ADCY10: variants seen among roughly 807,000 people sequenced by gnomAD.
ADCY10 encodes the protein adenylate cyclase 10, also known as adenylate cyclase type 10.
Under a neutral mutation model 183.3 loss-of-function variants are expected in ADCY10, and 156 were observed. That is an observed-to-expected ratio of 0.85 (90% confidence interval 0.75 to 0.97). ADCY10 has a LOEUF of 0.97. ADCY10 is among the 50% of genes least tolerant of loss of function. ADCY10 has a pLI of 0.00. For synonymous variants in ADCY10, 645 were observed against 670.0 expected (o/e 0.96, Z 0.58); for missense variants, 1,745 against 1,934.3 (o/e 0.90, Z 1.84).
chr1:167,855,326 C>CA (rs35445434), intron 17 of ADCY10, among the ~76,000 whole-genome samples: 3 of 131,032 alleles, frequency 2.3e-5, no homozygotes, highest in Admixed American at 1.7e-4. Flanking sequence ...GTCTAAAAAA[C>CA]AAAAAACAAA....
intron 31 of ADCY10, among the ~76,000 whole-genome samples, chr1:167,814,774 C>T (rs1211318353): frequency 1.3e-5 from 2 of 152,128 alleles, no homozygotes; most frequent in East Asian, 1.9e-4. Context: ...TACCACTGAA[C>T]TGCATACTTA....
At chr1:167,811,315 G>A (rs6699512) in intron 31 of ADCY10, among the ~76,000 whole-genome samples, 5,990 of 152,290 alleles carry the variant, frequency 0.039, 162 homozygotes, top group Middle Eastern at 0.071. Flanking sequence ...CAGGCTGGGC[G>A]CAGTGGCTCA....
At chr1:167,873,026 C>T (rs370993554) in intron 13 of ADCY10, among the ~76,000 whole-genome samples, 20 of 151,588 alleles carry the variant, frequency 1.3e-4, no homozygotes, top group East Asian at 7.7e-4. Flanking sequence ...GCTGAGATCG[C>T]GCCACTGCAC....
chr1:167,912,050 G>GAT (rs1670178151), intron 1 of ADCY10, among the ~76,000 whole-genome samples: 1 of 152,188 alleles, frequency 6.6e-6, no homozygotes, highest in African/African-American at 2.4e-5. Context: ...TATTTTTGAA[G>GAT]ATATAGTTTT....
chr1:167,846,380 TC>T, intron 19 of ADCY10, 117 bp from the exon 20 acceptor site: 3 of 1,263,844 alleles, frequency 2.4e-6, no homozygotes, highest in Non-Finnish European at 3.4e-6. Context: ...TGCAAGAAAC[TC>T]AGCCAAGCTA....
Position 167,875,192 on chromosome 1 carries a change from GAGA to G in ADCY10, c.1407-9_1407-7del. On this transcript the variant is annotated splice_region_variant and splice_polypyrimidine_tract_variant and intron_variant, in intron 12 of 32. Coordinates refer to ENST00000367851, the MANE Select transcript of ADCY10 (RefSeq NM_018417.6). ...GGCACGCCATACCAAACATGCTGAA[GAGA>G]AGAACAAAAGAACAGATGCTAGATT... The G allele has an allele frequency of 6.2e-7, 1 of 1,613,976 alleles. No individual in the cohort carries two copies. Among genetic ancestry groups the G allele is most frequent in the Non-Finnish European group, 8.5e-7 (1 of 1,179,844 alleles).
At position 167,809,609 on chromosome 1, in the gene ADCY10, A is replaced by G; in HGVS notation, c.*69T>C. The G allele has an allele frequency of 6.4e-7, 1 of 1,560,082 alleles. No individual in the cohort carries two copies. Among genetic ancestry groups the G allele is most frequent in the South Asian group, 1.1e-5 (1 of 89,582 alleles). The stretch of plus-strand genomic sequence containing the variant: ...TGTAGGAACCTGGAGTGGGCCAGCC[A>G]CGGAGAAAGGTCAATAATAGATAAT... On this transcript the variant is annotated 3_prime_UTR_variant, in exon 33 of 33. Transcript: ENST00000367851.
chr1:167,819,537 C>T (rs559656580), intron 30 of ADCY10, among the ~76,000 whole-genome samples: 2 of 151,730 alleles, frequency 1.3e-5, no homozygotes, highest in East Asian at 3.9e-4. Context: ...CTGCTCCTGG[C>T]CTGCTTATGA....
Position 167,859,912 on chromosome 1 carries a change from G to C in ADCY10, c.1810-19C>G, listed in dbSNP as rs1666172762. 1 of 1,574,232 alleles carries C rather than the reference G, an allele frequency of 6.4e-7. No individual in the cohort carries two copies. Among genetic ancestry groups the C allele is most frequent in the Non-Finnish European group, 8.7e-7 (1 of 1,144,002 alleles). The stretch of plus-strand genomic sequence containing the variant: ...TAGGGAACTGTACAAAGAATTATGA[G>C]AATATTGAGTATGGGAAAATAGCAA... On this transcript the variant is annotated intron_variant, in intron 15 of 32. Transcript: ENST00000367851.
chr1:167,908,419 T>C (rs942378350), intron 1 of ADCY10, among the ~76,000 whole-genome samples: 1 of 152,024 alleles, frequency 6.6e-6, no homozygotes, highest in Non-Finnish European at 1.5e-5. Flanking sequence ...TGGAATGAGA[T>C]GTTGGTGGCT....
chr1:167,875,119 C>T lies in ADCY10; in HGVS notation c.1462+12G>A. 1 of 1,612,910 alleles carries T rather than the reference C, an allele frequency of 6.2e-7. No individual in the cohort carries two copies. Among genetic ancestry groups the T allele is most frequent in the Non-Finnish European group, 8.5e-7 (1 of 1,178,902 alleles). On this transcript the variant is annotated intron_variant, in intron 13 of 32. Coordinates refer to ENST00000367851, the MANE Select transcript of ADCY10 (RefSeq NM_018417.6). ...TCAATAAAGAAGTTTAAAATCAAGG[C>T]CTACTACCTACCCAGCAAAGGGTAA...
chr1:167,832,507 C>A (rs935881969), intron 25 of ADCY10, among the ~76,000 whole-genome samples: 2 of 152,116 alleles, frequency 1.3e-5, no homozygotes, highest in African/African-American at 2.4e-5. Context: ...CCCATGTAAC[C>A]CATATCCCTA....
At chr1:167,820,247 A>C (rs1662808424) in intron 30 of ADCY10, 1 of 1,517,376 alleles carries the variant, frequency 6.6e-7, no homozygotes, top group Non-Finnish European at 8.9e-7. Context: ...GTCCTGGTCC[A>C]TCGTCGTCGC....
intron 30 of ADCY10, among the ~76,000 whole-genome samples, chr1:167,818,772 C>G (rs1167817575): frequency 6.6e-6 from 1 of 152,192 alleles, no homozygotes. Flanking sequence ...CTCCTGACCT[C>G]AGGTGATCCA....
intron 30 of ADCY10, chr1:167,819,889 A>C (rs1662778395): frequency 2.2e-6 from 2 of 889,614 alleles, no homozygotes; most frequent in Admixed American, 3.9e-5. Flanking sequence ...CCAAATATTT[A>C]AAGCCAAATC....
At chr1:167,901,608 G>A (rs114988702) in intron 5 of ADCY10, 54 bp downstream of exon 5, 4 of 1,556,290 alleles carry the variant, frequency 2.6e-6, no homozygotes, top group Non-Finnish European at 3.5e-6. Context: ...GATGCCCCAG[G>A]AGTCAAGACC....
At chr1:167,867,160 TG>T (rs1666761717) in intron 14 of ADCY10, among the ~76,000 whole-genome samples, 1 of 152,212 alleles carries the variant, frequency 6.6e-6, no homozygotes, top group Non-Finnish European at 1.5e-5. Context: ...TGTGTAGAAG[TG>T]TTGGACTCAG....
chr1:167,824,914 A>G, intron 26 of ADCY10, 59 bp from the exon 27 acceptor site: 1 of 1,462,302 alleles, frequency 6.8e-7, no homozygotes, highest in Non-Finnish European at 9.6e-7. Flanking sequence ...GCTCAGGAAC[A>G]TCACTCAATG....
chr1:167,843,046 A>G (rs1664770651), intron 21 of ADCY10, among the ~76,000 whole-genome samples: 1 of 152,180 alleles, frequency 6.6e-6, no homozygotes, highest in African/African-American at 2.4e-5. Flanking sequence ...AACAGGTGAA[A>G]AATTCTGATA....
Sources: gnomAD v4.1 joint callset for allele counts (sites outside exome capture counted in the v4.1 genomes callset) on GRCh38, gnomAD v4.1.1 for gene constraint, MANE v1.5 for transcripts, NCBI Gene and HGNC (gene_info 2026-07-23, HGNC 2026-07-21) for gene names.